LMNB1: variants seen among roughly 807,000 people sequenced by gnomAD.
LMNB1 encodes the protein lamin B1.
LMNB1 carries 23 observed loss-of-function variants against 67.1 expected under a neutral mutation model. The observed-to-expected ratio is 0.34, with a 90% CI of 0.25 to 0.49. The LOEUF is 0.49. Ranked by LOEUF, LMNB1 falls within the 20% of genes least tolerant of loss-of-function variation. The pLI is 0.99. For missense variants in LMNB1, 634 were observed against 746.5 expected (o/e 0.85, Z 1.76); for synonymous variants, 281 against 282.9 (o/e 0.99, Z 0.07).
chr5:126,803,573 G>GTC (rs70997315), intron 1 of LMNB1, among the ~76,000 whole-genome samples: 2,351 of 147,218 alleles, frequency 0.016, 27 homozygotes, highest in Non-Finnish European at 0.024. Context: ...TTGATACAAG[G>GTC]TCTCTCTCTG....
At chr5:126,818,787 ATC>A (rs1270900659) in intron 5 of LMNB1, 133 bp from the exon 6 acceptor site, 2 of 666,978 alleles carry the variant, frequency 3.0e-6, no homozygotes, top group Non-Finnish European at 5.2e-6. Flanking sequence ...ATTTCTTAAA[ATC>A]TCTTGAATTC....
Position 126,826,031 on chromosome 5 carries a change from A to G in LMNB1, c.1535A>G (p.Asp512Gly), listed in dbSNP as rs745699989. The change falls in exon 9 of 11, where the codon GAC becomes GGC. Residue 512 changes from aspartate to glycine, a missense_variant. Physicochemically the swap from Asp to Gly is moderately conservative, Grantham distance 94. Transcript: ENST00000261366. ...GGTGTCACAGCCAGCCCCCCAACTG[A>G]CCTCATCTGGAAGAACCAGAACTCG... ...NAGVTASPPT[D>G]LIWKNQNSWG... is the part of the protein sequence containing the mutation. 7 of 1,613,972 alleles carry G rather than the reference A, an allele frequency of 4.3e-6. No homozygotes were observed. The South Asian group carries it at 7.7e-5, about 18-fold the overall frequency.
intron 1 of LMNB1, among the ~76,000 whole-genome samples, chr5:126,800,459 G>C (rs927122254): frequency 1.3e-5 from 2 of 151,824 alleles, no homozygotes; most frequent in African/African-American, 2.4e-5. Context: ...GGCATGGAGT[G>C]GGGGAGAGTG....
Position 126,804,980 on chromosome 5 carries a change from C to T in LMNB1, c.516+48C>T, listed in dbSNP as rs1457145558. ...GCCGTATGTGACAGGTTAATTGCCT[C>T]ATCTGCCTTAAGCCATAGTTTGATT... On this transcript the variant is annotated intron_variant, in intron 2 of 10. Coordinates refer to ENST00000261366, the MANE Select transcript of LMNB1 (RefSeq NM_005573.4). 2.0e-6 allele frequency: 3 copies of T among 1,494,258 alleles called. No homozygotes were observed. In the South Asian group the frequency reaches 3.6e-5, roughly 18 times the overall value. 92.6% of individuals were successfully genotyped at this position (1,494,258 alleles called of 1,614,324 possible). A position where few individuals can be genotyped will look rare whatever the true frequency, so the allele number is the denominator to read the frequency against.
chr5:126,783,319 A>G (rs1459102367), intron 1 of LMNB1, among the ~76,000 whole-genome samples: 4 of 151,870 alleles, frequency 2.6e-5, no homozygotes, highest in Non-Finnish European at 5.9e-5. Flanking sequence ...GACAGTATAC[A>G]TCTTGGCCTT....
At chr5:126,822,242 G>T (rs12514703) in intron 7 of LMNB1, among the ~76,000 whole-genome samples, 2 of 152,120 alleles carry the variant, frequency 1.3e-5, no homozygotes. Context: ...CACCCGCCTT[G>T]GCCTCCTAAA....
chr5:126,820,838 T>G, intron 6 of LMNB1, 72 bp from the exon 7 acceptor site: 1 of 1,173,744 alleles, frequency 8.5e-7, no homozygotes, highest in Non-Finnish European at 1.2e-6. Flanking sequence ...CTTGTTTTTT[T>G]GTTTTTTTTT....
chr5:126,825,906 G>A, intron 8 of LMNB1, 82 bp from the exon 9 acceptor site: 6 of 1,567,676 alleles, frequency 3.8e-6, no homozygotes, highest in Non-Finnish European at 4.4e-6. Context: ...AGAATCAAGT[G>A]TTTGAGTCTC....
chr5:126,800,542 C>T (rs1039121301), intron 1 of LMNB1, among the ~76,000 whole-genome samples: 2 of 149,502 alleles, frequency 1.3e-5, no homozygotes, highest in Non-Finnish European at 3.0e-5. Flanking sequence ...TGCCAAGGAG[C>T]TTGCATATTT....
intron 1 of LMNB1, among the ~76,000 whole-genome samples, chr5:126,803,407 G>T (rs1751336898): frequency 1.3e-5 from 2 of 150,316 alleles, no homozygotes; most frequent in African/African-American, 4.9e-5. Context: ...CTCCATGCCT[G>T]GATAATTTTT....
At chr5:126,786,673 C>T (rs760548508) in intron 1 of LMNB1, among the ~76,000 whole-genome samples, 3 of 152,182 alleles carry the variant, frequency 2.0e-5, no homozygotes, top group African/African-American at 4.8e-5. Context: ...GTGGTTGGTA[C>T]TTGAAGTCTC....
chr5:126,810,173 T>C lies in LMNB1; in HGVS notation c.643-7T>C. ...GCTTGGCTTTATGCTTTTTGTTTTTTCCCCAGGAGATTAACGAGACCAGAA... is the reference window on the plus strand; with the variant it reads ...GCTTGGCTTTATGCTTTTTGTTTTTCCCCCAGGAGATTAACGAGACCAGAA... On this transcript the variant is annotated splice_region_variant and splice_polypyrimidine_tract_variant and intron_variant, in intron 3 of 10. Transcript: ENST00000261366. 1 of 1,605,988 alleles carries C rather than the reference T, an allele frequency of 6.2e-7. No individual in the cohort carries two copies. The highest frequency in any genetic ancestry group is 8.5e-7 in the Non-Finnish European group (1 of 1,173,434).
chr5:126,826,404 A>G (rs1394817520), intron 9 of LMNB1, among the ~76,000 whole-genome samples: 1 of 152,242 alleles, frequency 6.6e-6, no homozygotes, highest in African/African-American at 2.4e-5. Flanking sequence ...TTTGTCATTT[A>G]AAAATGGATA....
At chr5:126,778,269 C>G (rs900132535) in intron 1 of LMNB1, among the ~76,000 whole-genome samples, 2 of 151,970 alleles carry the variant, frequency 1.3e-5, no homozygotes, top group African/African-American at 4.8e-5. Flanking sequence ...GCCCCAGTTT[C>G]CGGCCGGCGC....
intron 1 of LMNB1, among the ~76,000 whole-genome samples, chr5:126,800,982 A>ATATATATATATAATTTTTTTTTTTTTT: frequency 1.1e-4 from 2 of 18,630 alleles, no homozygotes; most frequent in African/African-American, 1.7e-4. Context: ...TATATATATA[A>ATATATATATATAATTTTTTTTTTTTTT]TTTTTTTTTT....
chr5:126,787,842 C>T (rs1397734380), intron 1 of LMNB1, among the ~76,000 whole-genome samples: 5 of 151,778 alleles, frequency 3.3e-5, no homozygotes, highest in Admixed American at 3.3e-4. Context: ...TGAGCCACTG[C>T]ACCTGGCCTA....
intron 5 of LMNB1, among the ~76,000 whole-genome samples, chr5:126,813,895 G>A (rs1287284390): frequency 2.0e-5 from 3 of 151,904 alleles, no homozygotes. Flanking sequence ...TGTTTTTCTT[G>A]TTGTTTTTTT....
At chr5:126,798,132 T>TC (rs1751154506) in intron 1 of LMNB1, among the ~76,000 whole-genome samples, 1 of 132,568 alleles carries the variant, frequency 7.5e-6, no homozygotes, top group African/African-American at 2.8e-5. Context: ...CGAGACCGTC[T>TC]CAAAACAAAC....
At chr5:126,791,314 C>T (rs1366343077) in intron 1 of LMNB1, among the ~76,000 whole-genome samples, 2 of 152,000 alleles carry the variant, frequency 1.3e-5, no homozygotes, top group Non-Finnish European at 2.9e-5. Flanking sequence ...TATGAGACTC[C>T]TAGTATTCAA....
Sources: gnomAD v4.1 joint callset for allele counts (sites outside exome capture counted in the v4.1 genomes callset) on GRCh38, gnomAD v4.1.1 for gene constraint, MANE v1.5 for transcripts, NCBI Gene and HGNC (gene_info 2026-07-23, HGNC 2026-07-21) for gene names.